NNT: variants seen among roughly 807,000 people sequenced by gnomAD.
NNT encodes nicotinamide nucleotide transhydrogenase.
Under a neutral mutation model 104.8 loss-of-function variants are expected in NNT, and 50 were observed. The observed-to-expected ratio is 0.48, with a 90% CI of 0.38 to 0.60. NNT has a LOEUF of 0.60. Ranked by LOEUF, NNT falls within the 20% of genes least tolerant of loss-of-function variation. The pLI is 0.00. For missense variants in NNT, 1,131 were observed against 1,330.7 expected (o/e 0.85, Z 2.33); for synonymous variants, 461 against 490.4 (o/e 0.94, Z 0.79).
intron 5 of NNT, among the ~76,000 whole-genome samples, chr5:43,620,346 A>C (rs981678247): frequency 8.5e-5 from 13 of 152,078 alleles, no homozygotes; most frequent in African/African-American, 3.1e-4. Context: ...CAGCCTCCTG[A>C]GTAGCTGGGA....
chr5:43,700,683 A>G (rs896521736), intron 20 of NNT, among the ~76,000 whole-genome samples: 3 of 152,242 alleles, frequency 2.0e-5, no homozygotes, highest in Admixed American at 1.3e-4. Context: ...TGGTGAAGTA[A>G]TTTTCTCTTT....
Position 43,645,452 on chromosome 5 carries a change from A to G in NNT, c.1386A>G (p.Lys462=). 1 of 1,577,008 alleles carries G rather than the reference A, an allele frequency of 6.3e-7. No homozygotes were observed. The highest frequency in any genetic ancestry group is 2.4e-5 in the East Asian group (1 of 42,396). Residue 462 remains lysine, a synonymous_variant, in exon 10 of 22, where the codon AAA becomes AAG. Transcript: ENST00000344920. ...QKTVAELEAE[K]AATITPFRKT... is the part of the protein sequence containing the mutation. ...CAGTGGCTGAGCTGGAAGCTGAAAA[A>G]GCAGCTACCATTACACCCTTCAGGA...
intron 3 of NNT, among the ~76,000 whole-genome samples, chr5:43,615,337 C>T (rs1749732518): frequency 6.6e-6 from 1 of 152,146 alleles, no homozygotes; most frequent in South Asian, 2.1e-4. Context: ...AAATAGTCAT[C>T]TGGAATTTTA....
At chr5:43,623,685 G>A (rs1750213322) in intron 5 of NNT, among the ~76,000 whole-genome samples, 1 of 152,164 alleles carries the variant, frequency 6.6e-6, no homozygotes, top group Non-Finnish European at 1.5e-5. Context: ...TTTAGTAGAA[G>A]GAACTTTTAG....
intron 19 of NNT, among the ~76,000 whole-genome samples, chr5:43,690,057 G>T (rs553977846): frequency 4.6e-5 from 7 of 152,224 alleles, no homozygotes; most frequent in Non-Finnish European, 1.0e-4. Context: ...GTGTTCCTGA[G>T]GAAGAAGAGA....
chr5:43,680,003 G>A (rs1432827084), intron 19 of NNT, among the ~76,000 whole-genome samples: 1 of 151,436 alleles, frequency 6.6e-6, no homozygotes, highest in Non-Finnish European at 1.5e-5. Context: ...TTAATATATT[G>A]TAGTTTTTTT....
In NNT at chr5:43,675,551, A is replaced by G. The variant is rs1342376066; in HGVS notation, c.2675A>G (p.Tyr892Cys). 1.9e-6 allele frequency: 3 copies of G among 1,613,358 alleles called. No individual in the cohort carries two copies. The highest frequency in any genetic ancestry group is 2.2e-5 in the East Asian group (1 of 44,818). Residue 892 changes from tyrosine (Y) to cysteine (C), a missense_variant, in exon 18 of 22, where the codon TAT becomes TGT. Transcript: ENST00000344920. ...RSLANVILGG[Y>C]GTTSTAGGKP... is the part of the protein sequence containing the mutation. ...CTGGCTAATGTGATTCTTGGAGGCT[A>G]TGGCACCACTTCAACAGCTGGTGGA...
At chr5:43,687,123 T>G (rs1742030432) in intron 19 of NNT, among the ~76,000 whole-genome samples, 1 of 152,166 alleles carries the variant, frequency 6.6e-6, no homozygotes, top group African/African-American at 2.4e-5. Context: ...GGTTTGTTCC[T>G]ATTCTCAAGG....
chr5:43,627,430 G>A (rs2111683102), intron 6 of NNT, among the ~76,000 whole-genome samples: 1 of 152,234 alleles, frequency 6.6e-6, no homozygotes. Flanking sequence ...ACTGGGTCTG[G>A]GAAGGGGCCT....
At chr5:43,680,415 C>T (rs977125392) in intron 19 of NNT, among the ~76,000 whole-genome samples, 9 of 152,114 alleles carry the variant, frequency 5.9e-5, no homozygotes, top group African/African-American at 2.2e-4. Context: ...CCACGGTGTT[C>T]ATTGAGTACA....
intron 19 of NNT, among the ~76,000 whole-genome samples, chr5:43,696,963 G>A (rs1480146470): frequency 3.3e-5 from 5 of 152,184 alleles, no homozygotes; most frequent in Non-Finnish European, 7.3e-5. Flanking sequence ...TGCAAAGGTC[G>A]CTGACATGCC....
intron 17 of NNT, among the ~76,000 whole-genome samples, chr5:43,669,508 C>T (rs1013466256): frequency 1.3e-5 from 2 of 152,052 alleles, no homozygotes; most frequent in African/African-American, 4.8e-5. Context: ...TGAATTTTGT[C>T]AAAGGCCTTT....
chr5:43,650,541 G>T lies in NNT; in HGVS notation c.1671G>T (p.Gln557His). The change falls in exon 12 of 22, where the codon CAG becomes CAT. Residue 557 changes from glutamine to histidine, a missense_variant. Physicochemically the swap from Gln to His is conservative, Grantham distance 24. Transcript: ENST00000344920. Reference sequence around the variant, plus strand: ...ATTTGTATCCTTCCACAACTTCTCAGGGCCTTGCTGCTCTTGCTGCATTCA... The same window carrying T: ...ATTTGTATCCTTCCACAACTTCTCATGGCCTTGCTGCTCTTGCTGCATTCA... ...GGHLYPSTTS[Q>H]GLAALAAFIS... The T allele has an allele frequency of 6.2e-7, 1 of 1,614,120 alleles. No individual in the cohort carries two copies. The highest frequency in any genetic ancestry group is 1.6e-4 in the Middle Eastern group (1 of 6,062).
At chr5:43,688,330 C>G (rs1742088813) in intron 19 of NNT, among the ~76,000 whole-genome samples, 2 of 152,122 alleles carry the variant, frequency 1.3e-5, no homozygotes, top group African/African-American at 4.8e-5. Flanking sequence ...TGTAGCCCCC[C>G]CACCAAGGAA....
chr5:43,656,935 T>A (rs1740086250), intron 16 of NNT, 122 bp downstream of exon 16: 2 of 890,596 alleles, frequency 2.2e-6, no homozygotes, highest in Non-Finnish European at 3.3e-6. Flanking sequence ...TGTTTTAAAA[T>A]TACGTCACAT....
At chr5:43,653,814 G>A (rs993533103) in intron 14 of NNT, among the ~76,000 whole-genome samples, 1 of 152,006 alleles carries the variant, frequency 6.6e-6, no homozygotes, top group African/African-American at 2.4e-5. Flanking sequence ...AATTAGTTGG[G>A]CATGGTGGCG....
chr5:43,619,178 A>G, intron 5 of NNT, 59 bp downstream of exon 5: 1 of 975,586 alleles, frequency 1.0e-6, no homozygotes, highest in South Asian at 2.4e-5. Context: ...AAGGGTATGT[A>G]TAGTCTTAAA....
intron 17 of NNT, 101 bp from the exon 18 acceptor site, chr5:43,675,410 A>T: frequency 9.3e-7 from 1 of 1,073,476 alleles, no homozygotes; most frequent in Non-Finnish European, 1.3e-6. Flanking sequence ...TGATCAAATA[A>T]ACCTTTTAAA....
chr5:43,635,517 A>G (rs1418082457), intron 7 of NNT, among the ~76,000 whole-genome samples: 1 of 152,218 alleles, frequency 6.6e-6, no homozygotes, highest in Non-Finnish European at 1.5e-5. Context: ...CAGGAATAAG[A>G]GAACATTGTA....
Sources: allele counts gnomAD v4.1 joint callset (sites outside exome capture counted in the v4.1 genomes callset), GRCh38; gene constraint gnomAD v4.1.1; transcripts MANE v1.5; gene names NCBI Gene and HGNC (gene_info 2026-07-23, HGNC 2026-07-21).